The following CR1 variants were observed in gnomAD, a reference collection of about 807,000 sequenced individuals.
CR1 encodes the protein complement receptor type 1.
A neutral mutation model predicts 187.3 loss-of-function variants in CR1; 116 were observed. The ratio of observed to expected loss-of-function variants is 0.62; its 90% CI spans 0.53 to 0.72. CR1 has a LOEUF of 0.72. Ranked by LOEUF, CR1 falls within the 30% of genes least tolerant of loss-of-function variation. The pLI is 0.00. For synonymous variants in CR1, 576 were observed against 747.1 expected (o/e 0.77, Z 3.73); for missense variants, 1,731 against 2,110.7 (o/e 0.82, Z 3.52).
chr1:207,588,981 C>A (rs1571565506), intron 35 of CR1, among the ~76,000 whole-genome samples: 1 of 152,112 alleles, frequency 6.6e-6, no homozygotes, highest in African/African-American at 2.4e-5. Context: ...TATTGTAAAC[C>A]AGAGGAGGGC....
intron 32 of CR1, 85 bp from the exon 33 acceptor site, chr1:207,584,564 C>T: frequency 1.4e-6 from 2 of 1,475,892 alleles, no homozygotes; most frequent in East Asian, 2.3e-5. Context: ...ATTGGCAACA[C>T]AGTCACAGTA....
At chr1:207,591,972 A>T (rs565938495) in intron 35 of CR1, among the ~76,000 whole-genome samples, 1 of 152,338 alleles carries the variant, frequency 6.6e-6, no homozygotes, top group African/African-American at 2.4e-5. Flanking sequence ...CAACCAAAAA[A>T]AGCCCAGGAA....
At chr1:207,577,769 G>T in intron 28 of CR1, 36 bp from the exon 29 acceptor site, 1 of 1,611,690 alleles carries the variant, frequency 6.2e-7, no homozygotes. Flanking sequence ...TCTGTCCCAA[G>T]GTTTTGTTTT....
chr1:207,617,507 A>ATATATGTGTGTGTGTG lies in CR1; in HGVS notation c.6890-563_6890-562insATATGTGTGTGTGTGT, dbSNP rs1332301171. On this transcript the variant is annotated intron_variant, in intron 41 of 46. Coordinates refer to ENST00000367049, the MANE Select transcript of CR1 (RefSeq NM_000651.6). ...AGTATATATATATATATATATATATATGTGTGTGTGTGTGTGTGTGTGTGT... is the reference window on the plus strand; with the variant it reads ...AGTATATATATATATATATATATATATATATGTGTGTGTGTGTGTGTGTGTGTGTGTGTGTGTGTGT... Among the ~76,000 whole-genome samples the ATATATGTGTGTGTGTG allele has an allele frequency of 2.3e-4, 11 of 47,030 alleles. 1 individual carries two copies. The highest frequency in any genetic ancestry group is 5.1e-4 in the African/African-American group (8 of 15,788). The allele number at this position is 47,030 out of a possible 152,430, so 30.9% of individuals were successfully genotyped here. A position where few individuals can be genotyped will look rare whatever the true frequency, so the allele number is the denominator to read the frequency against.
At chr1:207,505,479 G>C (rs1301505400) in intron 1 of CR1, among the ~76,000 whole-genome samples, 1 of 152,042 alleles carries the variant, frequency 6.6e-6, no homozygotes, top group Non-Finnish European at 1.5e-5. Context: ...GGCTATTATT[G>C]AAGTGTTCTT....
intron 41 of CR1, among the ~76,000 whole-genome samples, chr1:207,617,552 TA>T: frequency 8.2e-6 from 1 of 121,852 alleles, no homozygotes; most frequent in Non-Finnish European, 1.8e-5. Context: ...TGTGTATATA[TA>T]TATGTGTATA....
chr1:207,592,493 GA>G (rs1661300413), intron 35 of CR1, among the ~76,000 whole-genome samples: 1 of 152,134 alleles, frequency 6.6e-6, no homozygotes. Context: ...ATATCATACT[GA>G]ATGGGCAAAT....
At chr1:207,614,314 G>A in intron 39 of CR1, 90 bp from the exon 40 acceptor site, 1 of 971,250 alleles carries the variant, frequency 1.0e-6, no homozygotes, top group Non-Finnish European at 1.6e-6. Flanking sequence ...GGAGGAAATG[G>A]TAGTGAGGAA....
In CR1 at chr1:207,505,972, C is replaced by T. The variant is rs368774493; in HGVS notation, c.190C>T (p.Pro64Ser). 6.2e-7 allele frequency: 1 copy of T among 1,613,986 alleles called. No individual in the cohort carries two copies. The highest frequency in any genetic ancestry group is 8.5e-7 in the Non-Finnish European group (1 of 1,179,874). ...PTNLTDEFEF[P>S]IGTYLNYECR... ...CAACCTAACTGATGAATTTGAGTTT[C>T]CCATTGGGACATATCTGAACTATGA... Residue 64 changes from proline (P) to serine (S), a missense_variant, in exon 2 of 47, where the codon CCC becomes TCC. Physicochemically the swap from Pro to Ser is moderately conservative, Grantham distance 74. Coordinates refer to ENST00000367049, the MANE Select transcript of CR1 (RefSeq NM_000651.6).
chr1:207,620,197 C>G lies in CR1; in HGVS notation c.7252+132C>G, dbSNP rs930972817. 4.5e-6 allele frequency: 4 copies of G among 880,286 alleles called. No individual in the cohort carries two copies. The African/African-American group carries it at 6.9e-5, about 15-fold the overall frequency. The allele number at this position is 880,286 out of a possible 1,614,324, so 54.5% of individuals were successfully genotyped here. On this transcript the variant is annotated intron_variant, in intron 43 of 46. Coordinates refer to ENST00000367049, the MANE Select transcript of CR1 (RefSeq NM_000651.6). Reference sequence around the variant, plus strand: ...GAGCTATAGAGTACAATATGAGCATCCACCTATTCCAAAACTCCCATAGTG... The same window carrying G: ...GAGCTATAGAGTACAATATGAGCATGCACCTATTCCAAAACTCCCATAGTG...
At chr1:207,582,189 T>C (rs1421912267) in intron 32 of CR1, among the ~76,000 whole-genome samples, 186 bp downstream of exon 32, 1 of 152,208 alleles carries the variant, frequency 6.6e-6, no homozygotes, top group Non-Finnish European at 1.5e-5. Context: ...GTGTTTTGGG[T>C]ACCATCCTAT....
At chr1:207,589,915 A>T (rs754368489) in intron 35 of CR1, among the ~76,000 whole-genome samples, 4 of 152,232 alleles carry the variant, frequency 2.6e-5, no homozygotes, top group Non-Finnish European at 5.9e-5. Context: ...ACAAAAAAAG[A>T]ATGAAAAGGA....
intron 35 of CR1, among the ~76,000 whole-genome samples, chr1:207,592,580 G>A (rs1661304161): frequency 6.6e-6 from 1 of 152,166 alleles, no homozygotes; most frequent in African/African-American, 2.4e-5. Flanking sequence ...ACATAGTATT[G>A]GAAGCTCTGG....
chr1:207,509,190 C>A (rs1470346928), intron 3 of CR1, among the ~76,000 whole-genome samples: 2 of 152,188 alleles, frequency 1.3e-5, no homozygotes, highest in African/African-American at 2.4e-5. Context: ...GCTTCACTGT[C>A]CCTCTTCGGG....
At chr1:207,608,182 G>T (rs1039301871) in intron 36 of CR1, among the ~76,000 whole-genome samples, 4 of 152,152 alleles carry the variant, frequency 2.6e-5, no homozygotes, top group Admixed American at 2.6e-4. Flanking sequence ...TTTGAAAATA[G>T]CTAGTAGAAG....
chr1:207,606,400 A>G (rs969685427), intron 35 of CR1: 1 of 152,356 alleles, frequency 6.6e-6, no homozygotes, highest in Admixed American at 6.5e-5. Flanking sequence ...AGGAGAGGAA[A>G]GTGGATACTA....
intron 45 of CR1, among the ~76,000 whole-genome samples, chr1:207,623,563 T>A (rs1428279605): frequency 6.7e-6 from 1 of 149,666 alleles, no homozygotes; most frequent in Admixed American, 6.7e-5. Context: ...CCAGCCTGGG[T>A]GACAGAGTGA....
chr1:207,516,506 A>T (rs1455813877), intron 4 of CR1, among the ~76,000 whole-genome samples: 2 of 152,212 alleles, frequency 1.3e-5, no homozygotes, highest in African/African-American at 4.8e-5. Flanking sequence ...TAAAATTTAG[A>T]ATCAGCTTGT....
chr1:207,496,495 C>T, intron 1 of CR1, 107 bp downstream of exon 1: 2 of 1,191,958 alleles, frequency 1.7e-6, no homozygotes, highest in South Asian at 1.7e-5. Context: ...GCGCCCGGGT[C>T]CGAAGGCAGC....
Sources: gnomAD v4.1 joint callset for allele counts (sites outside exome capture counted in the v4.1 genomes callset) on GRCh38, gnomAD v4.1.1 for gene constraint, MANE v1.5 for transcripts, NCBI Gene and HGNC (gene_info 2026-07-23, HGNC 2026-07-21) for gene names.